ERICH1: variants seen among roughly 807,000 people sequenced by gnomAD.
ERICH1 encodes the protein glutamate-rich protein 1.
ERICH1 carries 56 observed loss-of-function variants against 39.6 expected under a neutral mutation model. That is an observed-to-expected ratio of 1.41 (90% CI 1.14 to 1.77). ERICH1 has a LOEUF of 1.77. ERICH1 is among the 40% of genes most tolerant of loss of function. The pLI is 0.00. For synonymous variants in ERICH1, 313 were observed against 223.6 expected, an observed-to-expected ratio of 1.40 and a Z score of -3.57; for missense variants, 826 against 575.4, an observed-to-expected ratio of 1.44 and a Z score of -4.45.
intron 3 of ERICH1, among the ~76,000 whole-genome samples, chr8:629,911 G>A (rs1584957407): frequency 1.9e-5 from 2 of 106,868 alleles, no homozygotes; most frequent in African/African-American, 8.0e-5. Context: ...AGACAGAGCT[G>A]ACTCACACCC....
At chr8:625,476 G>A (rs534847683) in intron 3 of ERICH1, among the ~76,000 whole-genome samples, 2 of 152,240 alleles carry the variant, frequency 1.3e-5, no homozygotes, top group South Asian at 4.2e-4. Context: ...GAGGGTACGG[G>A]GTCTGGGTGC....
intron 3 of ERICH1, among the ~76,000 whole-genome samples, chr8:651,772 G>A (rs1799982638): frequency 6.6e-6 from 1 of 151,870 alleles, no homozygotes; most frequent in Non-Finnish European, 1.5e-5. Context: ...CGGGAGGGGA[G>A]GGCATCTGGT....
At chr8:664,802 C>T (rs1801942668) in intron 5 of ERICH1, 126 bp from the exon 6 acceptor site, 1 of 679,854 alleles carries the variant, frequency 1.5e-6, no homozygotes, top group Non-Finnish European at 2.4e-6. Context: ...TAAAATGCAA[C>T]TTTGGCATGA....
intron 2 of ERICH1, among the ~76,000 whole-genome samples, chr8:698,888 T>G (rs1811003045): frequency 6.9e-6 from 1 of 144,706 alleles, no homozygotes; most frequent in East Asian, 2.1e-4. Flanking sequence ...ATCCTATGGT[T>G]GTCTCTGTGA....
rs202088636 is a variant in ERICH1 at position 693,237 on chromosome 8, TAC to T, written c.170-627_170-626del. ...ACATGTACAGAGACACACAGAGAGATACACAAATACACAAGCACACACAGACA... is the reference window on the plus strand; with the variant it reads ...ACATGTACAGAGACACACAGAGAGATACAAATACACAAGCACACACAGACA... On this transcript the variant is annotated intron_variant, in intron 2 of 5. Transcript: ENST00000262109. Among the ~76,000 whole-genome samples the T allele has an allele frequency of 7.6e-3, 1,148 of 151,910 alleles. 18 individuals carry two copies. The highest frequency in any genetic ancestry group is 0.026 in the African/African-American group (1,080 of 41,414).
intron 3 of ERICH1, among the ~76,000 whole-genome samples, chr8:650,295 C>G (rs1015449302): frequency 6.6e-6 from 1 of 152,244 alleles, no homozygotes; most frequent in Non-Finnish European, 1.5e-5. Flanking sequence ...CCCCTGTCCT[C>G]GCTGGGTCTC....
At chr8:721,848 GTT>G (rs1312696923) in intron 1 of ERICH1, among the ~76,000 whole-genome samples, 2 of 152,220 alleles carry the variant, frequency 1.3e-5, no homozygotes, top group Non-Finnish European at 2.9e-5. Flanking sequence ...GATCCAATGT[GTT>G]TTTACCTAAG....
intron 3 of ERICH1, among the ~76,000 whole-genome samples, chr8:676,604 G>T (rs1164350503): frequency 6.6e-6 from 1 of 152,166 alleles, no homozygotes; most frequent in Non-Finnish European, 1.5e-5. Context: ...GCGCCATGCG[G>T]GGGGAACAGA....
At chr8:717,729 G>T (rs573308346) in intron 1 of ERICH1, among the ~76,000 whole-genome samples, 26 of 152,364 alleles carry the variant, frequency 1.7e-4, no homozygotes, top group Non-Finnish European at 5.9e-5. Flanking sequence ...GGCAGCCAAC[G>T]CGGACATGTG....
At chr8:638,999 C>T (rs1027429153) in intron 3 of ERICH1, among the ~76,000 whole-genome samples, 1 of 152,016 alleles carries the variant, frequency 6.6e-6, no homozygotes, top group Admixed American at 6.5e-5. Context: ...TACCAGTCAC[C>T]ACCGCCCCAC....
rs557032908 is a variant in ERICH1, at chr8:655,391, T to C, written c.976+13207A>G. On this transcript the variant is annotated intron_variant, in intron 3 of 3. Transcript: ENST00000522706. ...GTACGTCAGCACACCCAGGAGCGTA[T>C]GTAATAGGAGTCTCACTCGTTTTTG... 2.0e-5 allele frequency among the ~76,000 whole-genome samples: 3 copies of C among 152,342 alleles called. No individual in the cohort carries two copies. The East Asian group carries it at 5.8e-4, about 29-fold the overall frequency.
chr8:677,600 C>T (rs1261342470), intron 3 of ERICH1, among the ~76,000 whole-genome samples: 2 of 152,214 alleles, frequency 1.3e-5, no homozygotes, highest in South Asian at 4.1e-4. Flanking sequence ...CGTCTTTGAA[C>T]AGCAGCCTCT....
chr8:701,951 A>G (rs1322101667), intron 2 of ERICH1, among the ~76,000 whole-genome samples: 1 of 151,834 alleles, frequency 6.6e-6, no homozygotes, highest in Non-Finnish European at 1.5e-5. Flanking sequence ...TTAGCCAGGC[A>G]TGGTGGCGGG....
chr8:689,139 T>A (rs1303898491), intron 3 of ERICH1, among the ~76,000 whole-genome samples: 1 of 152,198 alleles, frequency 6.6e-6, no homozygotes, highest in East Asian at 1.9e-4. Flanking sequence ...TGAGGCGAAT[T>A]CTCGCTCTGT....
rs562091245 is a variant in ERICH1, at chr8:651,492, T to G, written c.976+17106A>C. The stretch of plus-strand genomic sequence containing the variant: ...AAAGTGCCCTTGGCAATGGGGCAGG[T>G]GGAGAAAATGCAGGAGCCAGCCCGG... On this transcript the variant is annotated intron_variant, in intron 3 of 3. Coordinates refer to the ERICH1 transcript ENST00000522706. 4.6e-5 allele frequency among the ~76,000 whole-genome samples: 7 copies of G among 151,808 alleles called. No homozygotes were observed. In the South Asian group the frequency reaches 1.5e-3, roughly 32 times the overall value.
intron 3 of ERICH1, among the ~76,000 whole-genome samples, chr8:634,305 G>C (rs1314042878): frequency 6.6e-6 from 1 of 152,200 alleles, no homozygotes; most frequent in African/African-American, 2.4e-5. Context: ...CCGTTGGGAT[G>C]GCTGCTATAG....
chr8:650,125 C>A (rs1303370021), intron 3 of ERICH1, among the ~76,000 whole-genome samples: 1 of 152,220 alleles, frequency 6.6e-6, no homozygotes, highest in African/African-American at 2.4e-5. Flanking sequence ...CGCTCCATGC[C>A]GGGAGCGCGC....
intron 2 of ERICH1, among the ~76,000 whole-genome samples, chr8:708,035 A>G (rs911592956): frequency 6.6e-6 from 1 of 152,222 alleles, no homozygotes; most frequent in African/African-American, 2.4e-5. Flanking sequence ...CACGCAGGGA[A>G]AGATGCTCAA....
At chr8:694,817 G>A (rs1462236257) in intron 2 of ERICH1, among the ~76,000 whole-genome samples, 1 of 152,222 alleles carries the variant, frequency 6.6e-6, no homozygotes, top group Non-Finnish European at 1.5e-5. Context: ...GTGCAAGGAA[G>A]AGACCGGTTA....
Sources: allele counts gnomAD v4.1 joint callset (sites outside exome capture counted in the v4.1 genomes callset), GRCh38; gene constraint gnomAD v4.1.1; transcripts MANE v1.5; gene names NCBI Gene and HGNC (gene_info 2026-07-23, HGNC 2026-07-21).